Variants in STPG2 observed in about 807,000 individuals in gnomAD.
STPG2 encodes the protein sperm-tail PG-rich repeat-containing protein 2.
A neutral mutation model predicts 54.2 loss-of-function variants in STPG2; 56 were observed. That is an observed-to-expected ratio of 1.03 (90% CI 0.83 to 1.29). The LOEUF (loss-of-function observed/expected upper bound fraction) is 1.29. Ranked by LOEUF, STPG2 falls within the 50% of genes most tolerant of loss-of-function variation. STPG2 has a pLI of 0.00. For missense variants in STPG2, 596 were observed against 544.9 expected (o/e 1.09, Z -0.93); for synonymous variants, 200 against 181.8 (o/e 1.10, Z -0.81).
At chr4:97,782,366 T>C (rs1726669070) in intron 9 of STPG2, among the ~76,000 whole-genome samples, 1 of 152,078 alleles carries the variant, frequency 6.6e-6, no homozygotes, top group South Asian at 2.1e-4. Flanking sequence ...GAATCCAACT[T>C]ACAAGGGATG....
At chr4:97,605,295 T>G (rs1733565949) in intron 10 of STPG2, among the ~76,000 whole-genome samples, 1 of 151,760 alleles carries the variant, frequency 6.6e-6, no homozygotes. Context: ...AGTGAAAAAT[T>G]TACATAAAGT....
intron 1 of STPG2, among the ~76,000 whole-genome samples, chr4:98,140,934 G>C (rs1333288623): frequency 6.6e-6 from 1 of 152,106 alleles, no homozygotes; most frequent in African/African-American, 2.4e-5. Context: ...TTTCCTTCTG[G>C]GAGTCATCAG....
At chr4:97,520,175 G>T (rs1166221469) in intron 4 of STPG2, among the ~76,000 whole-genome samples, 1 of 152,008 alleles carries the variant, frequency 6.6e-6, no homozygotes, top group African/African-American at 2.4e-5. Flanking sequence ...GTGAAAGACA[G>T]TTGGTGGAAG....
intron 5 of STPG2, among the ~76,000 whole-genome samples, chr4:98,018,160 C>T (rs1032517804): frequency 6.6e-6 from 1 of 151,982 alleles, no homozygotes; most frequent in Non-Finnish European, 1.5e-5. Flanking sequence ...TAATGCTATC[C>T]CTCCCCCCAT....
At chr4:97,563,469 G>T (rs984756087) in intron 10 of STPG2, among the ~76,000 whole-genome samples, 2 of 151,866 alleles carry the variant, frequency 1.3e-5, no homozygotes, top group African/African-American at 4.8e-5. Flanking sequence ...GTTATTTCTT[G>T]CCTTCTGCTA....
At chr4:97,585,249 G>C (rs1309054943) in intron 10 of STPG2, among the ~76,000 whole-genome samples, 3 of 151,700 alleles carry the variant, frequency 2.0e-5, no homozygotes, top group Admixed American at 1.3e-4. Context: ...TACATCACAT[G>C]AACAGAATTA....
chr4:97,661,066 C>A, intron 10 of STPG2, among the ~76,000 whole-genome samples: 1 of 151,950 alleles, frequency 6.6e-6, no homozygotes, highest in East Asian at 1.9e-4. Context: ...CATCAAGACA[C>A]AAATGACTTA....
At chr4:97,991,375 A>ATGTATATATATGTGTATATATATG (rs1276031628) in intron 5 of STPG2, among the ~76,000 whole-genome samples, 1 of 150,464 alleles carries the variant, frequency 6.6e-6, no homozygotes, top group Non-Finnish European at 1.5e-5. Context: ...GTATATATAT[A>ATGTATATATATGTGTATATATATG]TGTATATATA....
chr4:97,887,675 G>T (rs1388461094), intron 8 of STPG2, among the ~76,000 whole-genome samples: 3 of 152,168 alleles, frequency 2.0e-5, no homozygotes, highest in Admixed American at 6.5e-5. Context: ...GGTAAGAAAA[G>T]AAAAGTTTAT....
At chr4:97,895,156 A>G (rs976050301) in intron 8 of STPG2, among the ~76,000 whole-genome samples, 4 of 151,868 alleles carry the variant, frequency 2.6e-5, no homozygotes, top group African/African-American at 9.7e-5. Flanking sequence ...GATAGTGATG[A>G]CACGGTAATA....
intron 10 of STPG2, among the ~76,000 whole-genome samples, chr4:97,638,559 C>A: frequency 6.6e-6 from 1 of 151,058 alleles, no homozygotes; most frequent in Admixed American, 6.6e-5. Context: ...GAACAGGCAA[C>A]CTACAAAATG....
At chr4:97,497,183 C>T (rs1441229847) in intron 4 of STPG2, among the ~76,000 whole-genome samples, 2 of 151,630 alleles carry the variant, frequency 1.3e-5, no homozygotes, top group Non-Finnish European at 2.9e-5. Flanking sequence ...CACAAGCAGG[C>T]AGCATATACA....
chr4:97,819,300 A>T (rs995715334), intron 9 of STPG2, among the ~76,000 whole-genome samples: 1 of 152,052 alleles, frequency 6.6e-6, no homozygotes, highest in Non-Finnish European at 1.5e-5. Context: ...CTAGAATATT[A>T]TAAGTCACTG....
chr4:97,779,258 C>T (rs992164446), intron 9 of STPG2, among the ~76,000 whole-genome samples: 3 of 152,070 alleles, frequency 2.0e-5, no homozygotes, highest in Non-Finnish European at 4.4e-5. Flanking sequence ...GAACTGAAAG[C>T]CATGGCATGA....
chr4:97,543,192 T>C (rs1731759577), intron 4 of STPG2, among the ~76,000 whole-genome samples: 1 of 151,244 alleles, frequency 6.6e-6, no homozygotes, highest in African/African-American at 2.4e-5. Flanking sequence ...GGTCTGGGGC[T>C]TTATTATACC....
chr4:97,749,985 A>C (rs189462914), intron 9 of STPG2, among the ~76,000 whole-genome samples: 257 of 151,924 alleles, frequency 1.7e-3, no homozygotes, highest in African/African-American at 5.8e-3. Flanking sequence ...TACCACCATA[A>C]AACTACTTTA....
intron 9 of STPG2, among the ~76,000 whole-genome samples, chr4:97,714,015 T>G (rs1320124829): frequency 1.3e-5 from 2 of 151,934 alleles, no homozygotes; most frequent in Admixed American, 1.3e-4. Flanking sequence ...TGGTAGTGAA[T>G]GAAATTAGAT....
intron 4 of STPG2, among the ~76,000 whole-genome samples, chr4:97,497,692 G>C (rs1449493780): frequency 6.6e-6 from 1 of 151,820 alleles, no homozygotes; most frequent in Non-Finnish European, 1.5e-5. Flanking sequence ...TGGTAATACT[G>C]TAAGTGTTCA....
chr4:97,523,495 A>G (rs1411127920), intron 4 of STPG2, among the ~76,000 whole-genome samples: 2 of 152,038 alleles, frequency 1.3e-5, no homozygotes, highest in Non-Finnish European at 2.9e-5. Context: ...ATTTGTGATT[A>G]TCAGCAAATT....
Sources: gnomAD v4.1 joint callset for allele counts (sites outside exome capture counted in the v4.1 genomes callset) on GRCh38, gnomAD v4.1.1 for gene constraint, MANE v1.5 for transcripts, NCBI Gene and HGNC (gene_info 2026-07-23, HGNC 2026-07-21) for gene names.